ZMAT4: variants seen among roughly 807,000 people sequenced by gnomAD.
ZMAT4 encodes zinc finger matrin-type 4.
A neutral mutation model predicts 28.7 loss-of-function variants in ZMAT4; 17 were observed. The ratio of observed to expected loss-of-function variants is 0.59; its 90% CI spans 0.41 to 0.89. The LOEUF (loss-of-function observed/expected upper bound fraction) is 0.89, where lower values mean the gene tolerates loss of function less well. Among genes scored for constraint, ZMAT4 ranks in the 40% least tolerant of loss-of-function variants. The pLI is 0.00. For missense variants in ZMAT4, 240 were observed against 283.8 expected, an observed-to-expected ratio of 0.85 and a Z score of 1.11; for synonymous variants, 117 against 109.2, an observed-to-expected ratio of 1.07 and a Z score of -0.44.
At chr8:40,877,852 G>C (rs112123683) in intron 1 of ZMAT4, among the ~76,000 whole-genome samples, 2 of 152,266 alleles carry the variant, frequency 1.3e-5, no homozygotes, top group South Asian at 2.1e-4. Flanking sequence ...AGCTGGCCAC[G>C]GTCATGTCAG....
At chr8:40,746,318 T>TTCCTC (rs1812228729) in intron 3 of ZMAT4, among the ~76,000 whole-genome samples, 1 of 129,660 alleles carries the variant, frequency 7.7e-6, no homozygotes, top group African/African-American at 2.9e-5. Context: ...TTCCTTTCCT[T>TTCCTC]TCCTTTCCTT....
intron 5 of ZMAT4, among the ~76,000 whole-genome samples, chr8:40,618,533 T>C (rs1169838101): frequency 1.3e-5 from 2 of 152,198 alleles, no homozygotes; most frequent in South Asian, 2.1e-4. Flanking sequence ...TCAGGTAGTA[T>C]TTAGTACAAG....
At chr8:40,589,960 C>CG (rs1804824653) in intron 5 of ZMAT4, among the ~76,000 whole-genome samples, 1 of 33,024 alleles carries the variant, frequency 3.0e-5, no homozygotes, top group African/African-American at 9.6e-5. Context: ...TTCTTCCCTC[C>CG]TTCCCTCCCT....
chr8:40,722,663 A>T (rs1811151372), intron 3 of ZMAT4, among the ~76,000 whole-genome samples: 1 of 152,160 alleles, frequency 6.6e-6, no homozygotes, highest in Non-Finnish European at 1.5e-5. Flanking sequence ...ATCTAATGAA[A>T]TCCCAAAGGA....
At chr8:40,852,676 G>A (rs1296395523) in intron 1 of ZMAT4, among the ~76,000 whole-genome samples, 1 of 152,148 alleles carries the variant, frequency 6.6e-6, no homozygotes, top group Non-Finnish European at 1.5e-5. Context: ...GTACTCCATT[G>A]TAAAACTTCT....
At chr8:40,614,646 T>C (rs1055346058) in intron 5 of ZMAT4, among the ~76,000 whole-genome samples, 3 of 152,236 alleles carry the variant, frequency 2.0e-5, no homozygotes, top group African/African-American at 4.8e-5. Flanking sequence ...TAGTTAGCTC[T>C]TCTTGTTGAA....
chr8:40,867,238 G>T (rs1181805115), intron 1 of ZMAT4, among the ~76,000 whole-genome samples: 1 of 152,074 alleles, frequency 6.6e-6, no homozygotes, highest in African/African-American at 2.4e-5. Context: ...TAACACTAAT[G>T]GTAGCTGATG....
rs955939012 is a variant in ZMAT4, at chr8:40,530,970, C to T, written c.*1253G>A. On this transcript the variant is annotated 3_prime_UTR_variant, in exon 7 of 7. Transcript: ENST00000297737. The stretch of plus-strand genomic sequence containing the variant: ...TGCCACCTCAGCTCTTGGTGGAAAA[C>T]AGTGGGTGTCCAGAAATTGCTGACA... 6.6e-6 allele frequency: 1 copy of T among 152,652 alleles called. No individual in the cohort carries two copies. The highest frequency in any genetic ancestry group is 6.5e-5 in the Admixed American group (1 of 15,276). 9.5% of individuals were successfully genotyped at this position (152,652 alleles called of 1,614,324 possible).
At chr8:40,585,786 C>T (rs1804653703) in intron 5 of ZMAT4, among the ~76,000 whole-genome samples, 1 of 152,132 alleles carries the variant, frequency 6.6e-6, no homozygotes, top group South Asian at 2.1e-4. Context: ...CTAAAACCAG[C>T]TTCAGGGTTT....
Position 40,757,022 on chromosome 8 carries a change from G to A in ZMAT4, c.192+10619C>T, listed in dbSNP as rs191457845. On this transcript the variant is annotated intron_variant, in intron 3 of 6. Coordinates refer to ENST00000297737, the MANE Select transcript of ZMAT4 (RefSeq NM_024645.3). The stretch of plus-strand genomic sequence containing the variant: ...CACCTTACAGCCCTCTCGTGTTTTG[G>A]AACGCAGGGCAGCACTTCAGTGTTG... Among the ~76,000 whole-genome samples the A allele has an allele frequency of 5.1e-4, 78 of 152,240 alleles. 1 individual carries two copies. The highest frequency in any genetic ancestry group is 5.9e-4 in the Admixed American group (9 of 15,294).
chr8:40,849,899 GC>G lies in ZMAT4; in HGVS notation c.-4-24220del, dbSNP rs939155199. On this transcript the variant is annotated intron_variant, in intron 1 of 6. Transcript: ENST00000297737. The stretch of plus-strand genomic sequence containing the variant: ...ACCAAATGCCATCAGCAAGTGTGCT[GC>G]CCCGGAGGCTTCCCCACCTAGTACC... 1.2e-3 allele frequency among the ~76,000 whole-genome samples: 182 copies of G among 152,220 alleles called. 2 individuals carry two copies. The highest frequency in any genetic ancestry group is 3.2e-4 in the Non-Finnish European group (22 of 68,016).
intron 2 of ZMAT4, among the ~76,000 whole-genome samples, chr8:40,807,857 A>G (rs991033343): frequency 1.3e-5 from 2 of 152,248 alleles, no homozygotes; most frequent in East Asian, 3.8e-4. Context: ...AAGGAATTCC[A>G]AAGACATTTA....
At chr8:40,613,001 C>T (rs1333185115) in intron 5 of ZMAT4, among the ~76,000 whole-genome samples, 2 of 150,114 alleles carry the variant, frequency 1.3e-5, no homozygotes, top group African/African-American at 2.5e-5. Flanking sequence ...TTAGTAGACA[C>T]GGGGTTTCAC....
chr8:40,760,741 G>GCT (rs1220675755), intron 3 of ZMAT4, among the ~76,000 whole-genome samples: 19 of 93,602 alleles, frequency 2.0e-4, no homozygotes, highest in Non-Finnish European at 3.8e-4. Flanking sequence ...TCTCTGTCAT[G>GCT]CTCTCTCTCT....
intron 1 of ZMAT4, among the ~76,000 whole-genome samples, chr8:40,891,804 C>T (rs1357554248): frequency 2.0e-5 from 3 of 152,216 alleles, no homozygotes; most frequent in Non-Finnish European, 4.4e-5. Context: ...ACACTCACTG[C>T]CGACCCTGAG....
intron 2 of ZMAT4, among the ~76,000 whole-genome samples, chr8:40,816,312 C>G (rs1202679160): frequency 1.3e-5 from 2 of 152,154 alleles, no homozygotes; most frequent in Non-Finnish European, 2.9e-5. Context: ...GAAGCCTCTG[C>G]CAGCCCGAGT....
At chr8:40,596,134 T>C (rs28873187) in intron 5 of ZMAT4, among the ~76,000 whole-genome samples, 31,280 of 151,924 alleles carry the variant, frequency 0.21, 3,343 homozygotes, top group Middle Eastern at 0.26. Flanking sequence ...CAATATAAGA[T>C]AAGAAATAGT....
intron 6 of ZMAT4, among the ~76,000 whole-genome samples, chr8:40,536,576 T>C (rs1484356539): frequency 6.6e-6 from 1 of 152,146 alleles, no homozygotes; most frequent in African/African-American, 2.4e-5. Flanking sequence ...GAAAATCAGG[T>C]GAGGCTCCTC....
chr8:40,624,930 A>G (rs1245860264), intron 5 of ZMAT4, among the ~76,000 whole-genome samples: 1 of 152,202 alleles, frequency 6.6e-6, no homozygotes, highest in African/African-American at 2.4e-5. Flanking sequence ...GACATAAAAC[A>G]TGTCAAAATA....
Sources: gnomAD v4.1 joint callset for allele counts (sites outside exome capture counted in the v4.1 genomes callset) on GRCh38, gnomAD v4.1.1 for gene constraint, MANE v1.5 for transcripts, NCBI Gene and HGNC (gene_info 2026-07-23, HGNC 2026-07-21) for gene names.